Variants in C1orf198 observed in about 807,000 individuals in gnomAD.
The protein encoded by C1orf198 is chromosome 1 open reading frame 198, also known as uncharacterized protein C1orf198.
Under a neutral mutation model 31.4 loss-of-function variants are expected in C1orf198, and 17 were observed. That is an observed-to-expected ratio of 0.54 (90% CI 0.37 to 0.81). The LOEUF (loss-of-function observed/expected upper bound fraction) is 0.81, where lower values mean the gene tolerates loss of function less well. Among genes scored for constraint, C1orf198 ranks in the 40% least tolerant of loss-of-function variants. C1orf198 has a pLI of 0.00. For missense variants in C1orf198, 401 were observed against 450.3 expected, an observed-to-expected ratio of 0.89 and a Z score of 0.99; for synonymous variants, 175 against 193.8, an observed-to-expected ratio of 0.90 and a Z score of 0.81.
chr1:230,860,851 T>C (rs1669990184), intron 1 of C1orf198, among the ~76,000 whole-genome samples: 2 of 152,232 alleles, frequency 1.3e-5, no homozygotes, highest in Admixed American at 6.5e-5. Flanking sequence ...CCTCGGACTA[T>C]ACACAGAAAA....
chr1:230,843,261 A>T lies in C1orf198; in HGVS notation c.927+93T>A, dbSNP rs1308402249. ...GAAGGAGAAGAAAAAGAGCATGGGCACCTGTGGCCTGCCTGCTTTGTGGGG... is the reference window on the plus strand; with the variant it reads ...GAAGGAGAAGAAAAAGAGCATGGGCTCCTGTGGCCTGCCTGCTTTGTGGGG... On this transcript the variant is annotated intron_variant, in intron 3 of 3. Transcript: ENST00000366663. This position sits in a 1 kb window ranked among gnomAD's most constrained non-coding sequence, Gnocchi z 4.9. 1 of 1,399,126 alleles carries T rather than the reference A, an allele frequency of 7.1e-7. No individual in the cohort carries two copies. The allele number at this position is 1,399,126 out of a possible 1,614,324, so 86.7% of individuals were successfully genotyped here. A position where few individuals can be genotyped will look rare whatever the true frequency, so the allele number is the denominator to read the frequency against.
intron 1 of C1orf198, among the ~76,000 whole-genome samples, chr1:230,862,884 G>A (rs764825020): frequency 5.3e-5 from 8 of 152,174 alleles, no homozygotes; most frequent in Admixed American, 3.9e-4. Context: ...GTCCATGTAC[G>A]TTCATCAGCT....
chr1:230,843,839 C>G lies in C1orf198; in HGVS notation c.442G>C (p.Ala148Pro), dbSNP rs756917091. The G allele has an allele frequency of 6.5e-7, 1 of 1,549,310 alleles. No individual in the cohort carries two copies. The highest frequency in any genetic ancestry group is 8.7e-7 in the Non-Finnish European group (1 of 1,150,220). Reference protein sequence around the residue: ...LSIQEPSNGTAASEPRPLSKA... With the variant: ...LSIQEPSNGTPASEPRPLSKA... ...GACAGTGGTCTGGGCTCGCTGGCGGCGGTGCCGTTGCTCGGCTCCTGGATG... is the reference window on the plus strand; with the variant it reads ...GACAGTGGTCTGGGCTCGCTGGCGGGGGTGCCGTTGCTCGGCTCCTGGATG... The change falls in exon 3 of 4, where the codon GCC becomes CCC. Residue 148 changes from alanine (A) to proline (P), a missense_variant. Ala to Pro is a conservative substitution (Grantham distance 27). Coordinates refer to ENST00000366663, the MANE Select transcript of C1orf198 (RefSeq NM_032800.3). This position sits in a 1 kb window ranked among gnomAD's most constrained non-coding sequence, Gnocchi z 4.9.
At chr1:230,844,973 A>G (rs1004722316) in intron 2 of C1orf198, among the ~76,000 whole-genome samples, 3 of 152,242 alleles carry the variant, frequency 2.0e-5, no homozygotes, top group African/African-American at 4.8e-5. Context: ...GCTCTGCAGA[A>G]CAAGCAATTT....
rs1341424260 is a variant in C1orf198 at position 230,841,407 on chromosome 1, G to A, written c.928-1499C>T. ...TGGAAGTACTGGAAACCTGCTCTGG[G>A]GGACATTCAATGTTATCAGTGATGA... On this transcript the variant is annotated intron_variant, in intron 3 of 3. Coordinates refer to ENST00000366663, the MANE Select transcript of C1orf198 (RefSeq NM_032800.3). Among the ~76,000 whole-genome samples the A allele has an allele frequency of 2.0e-5, 3 of 152,148 alleles. No homozygotes were observed. The East Asian group carries it at 5.8e-4, about 29-fold the overall frequency.
intron 1 of C1orf198, among the ~76,000 whole-genome samples, chr1:230,862,879 T>C (rs759035225): frequency 2.6e-5 from 4 of 152,202 alleles, no homozygotes; most frequent in African/African-American, 4.8e-5. Context: ...GACGTGTCCA[T>C]GTACGTTCAT....
intron 1 of C1orf198, among the ~76,000 whole-genome samples, chr1:230,858,379 T>A (rs1669927119): frequency 6.6e-6 from 1 of 152,220 alleles, no homozygotes; most frequent in African/African-American, 2.4e-5. Context: ...ATTCATTAAC[T>A]CTTCGTGAAT....
intron 2 of C1orf198, among the ~76,000 whole-genome samples, chr1:230,851,536 C>T (rs568458562): frequency 4.6e-5 from 7 of 152,284 alleles, no homozygotes; most frequent in Non-Finnish European, 2.9e-5. Flanking sequence ...TTTTTCCTCT[C>T]GAAACAGCAG....
In C1orf198 at chr1:230,868,294, G is replaced by A. The variant is rs1670168557; in HGVS notation, c.219C>T (p.Cys73=). 2 of 1,597,154 alleles carry A rather than the reference G, an allele frequency of 1.3e-6. No individual in the cohort carries two copies. Among genetic ancestry groups the A allele is most frequent in the Non-Finnish European group, 8.5e-7 (1 of 1,172,890 alleles). The change falls in exon 1 of 4, where the codon TGC becomes TGT. Residue 73 remains cysteine (C), a synonymous_variant. Transcript: ENST00000366663. The part of the protein sequence containing the change: ...PAQQDEIIDR[C]LVGPRAPAPR... ...GCGCCGGGGCGCGCGGCCCCACCAG[G>A]CACCGGTCGATGATCTCGTCCTGCT...
rs576580432 is a variant in C1orf198 at position 230,837,761 on chromosome 1, T to G, written c.*2091A>C. The G allele has an allele frequency of 1.3e-5, 2 of 152,322 alleles. No homozygotes were observed. The highest frequency in any genetic ancestry group is 4.1e-4 in the South Asian group (2 of 4,820). 9.4% of individuals were successfully genotyped at this position (152,322 alleles called of 1,614,324 possible). On this transcript the variant is annotated 3_prime_UTR_variant, in exon 4 of 4. Transcript: ENST00000366663. ...ATTTCCTAATTTTTGATTTTACATTTAATCTCAGGAGGCTATACCATTAAG... is the reference window on the plus strand; with the variant it reads ...ATTTCCTAATTTTTGATTTTACATTGAATCTCAGGAGGCTATACCATTAAG...
chr1:230,851,637 C>T (rs1669747951), intron 2 of C1orf198, among the ~76,000 whole-genome samples: 1 of 152,204 alleles, frequency 6.6e-6, no homozygotes, highest in Non-Finnish European at 1.5e-5. Flanking sequence ...GAAAAGATGA[C>T]AATCACGACC....
chr1:230,853,329 T>A lies in C1orf198; in HGVS notation c.384+2339A>T, dbSNP rs148917105. Among the ~76,000 whole-genome samples the A allele has an allele frequency of 3.5e-3, 526 of 152,062 alleles. 2 individuals carry two copies. Among genetic ancestry groups the A allele is most frequent in the African/African-American group, 0.012 (507 of 41,474 alleles). On this transcript the variant is annotated intron_variant, in intron 2 of 3. Coordinates refer to ENST00000366663, the MANE Select transcript of C1orf198 (RefSeq NM_032800.3). ...CTCCCTCCAGTCCTGCAATTGGAGA[T>A]TAGGGGGTCCTACCTTCACTAAAGC...
intron 2 of C1orf198, among the ~76,000 whole-genome samples, chr1:230,853,182 A>G (rs748209804): frequency 9.9e-5 from 15 of 152,106 alleles, no homozygotes; most frequent in Non-Finnish European, 1.9e-4. Flanking sequence ...CCGATCATTG[A>G]CCCACACAAT....
At chr1:230,850,982 G>A (rs988307737) in intron 2 of C1orf198, among the ~76,000 whole-genome samples, 7 of 151,868 alleles carry the variant, frequency 4.6e-5, no homozygotes, top group Non-Finnish European at 7.4e-5. Flanking sequence ...CCTGCATCCC[G>A]GTGTCCTGAC....
chr1:230,853,069 G>A (rs1438765246), intron 2 of C1orf198, among the ~76,000 whole-genome samples: 3 of 152,138 alleles, frequency 2.0e-5, no homozygotes, highest in Admixed American at 1.3e-4. Context: ...AACCAGACAC[G>A]TGAGCAAGGT....
chr1:230,858,876 T>A (rs1669940278), intron 1 of C1orf198, among the ~76,000 whole-genome samples: 1 of 152,182 alleles, frequency 6.6e-6, no homozygotes, highest in Non-Finnish European at 1.5e-5. Flanking sequence ...TTGGGGACAG[T>A]CAACTCTCCA....
At chr1:230,854,034 A>C (rs1452019816) in intron 2 of C1orf198, among the ~76,000 whole-genome samples, 2 of 152,238 alleles carry the variant, frequency 1.3e-5, no homozygotes, top group African/African-American at 2.4e-5. Flanking sequence ...CCTGTCCCAC[A>C]AATAGCTGAT....
chr1:230,849,637 T>C (rs1669689636), intron 2 of C1orf198, among the ~76,000 whole-genome samples: 1 of 152,152 alleles, frequency 6.6e-6, no homozygotes, highest in African/African-American at 2.4e-5. Context: ...ATTTTTAACG[T>C]CCCACTCACT....
In C1orf198 at chr1:230,868,273, C is replaced by T. The variant is rs1490944172; in HGVS notation, c.240G>A (p.Pro80=). The T allele has an allele frequency of 1.1e-5, 18 of 1,584,654 alleles. No individual in the cohort carries two copies. Among genetic ancestry groups the T allele is most frequent in the Admixed American group, 1.8e-5 (1 of 56,910 alleles). The stretch of plus-strand genomic sequence containing the variant: ...CCGAGTCCCCGGGGTCTCGGGGCGC[C>T]GGGGCGCGCGGCCCCACCAGGCACC... The part of the protein sequence containing the change: ...IDRCLVGPRA[P]APRDPGDSEE... Residue 80 remains proline, a synonymous_variant, in exon 1 of 4, where the codon CCG becomes CCA. Coordinates refer to ENST00000366663, the MANE Select transcript of C1orf198 (RefSeq NM_032800.3).
Sources: allele counts gnomAD v4.1 joint callset (sites outside exome capture counted in the v4.1 genomes callset), GRCh38; gene constraint gnomAD v4.1.1; non-coding constraint Gnocchi (gnomAD v3.1); transcripts MANE v1.5; gene names NCBI Gene and HGNC (gene_info 2026-07-23, HGNC 2026-07-21).